Variants in TOM1L1 observed in about 807,000 individuals in gnomAD.
TOM1L1 encodes the protein target of myb1 like 1 membrane trafficking protein, also known as TOM1-like protein 1.
A neutral mutation model predicts 63.4 loss-of-function variants in TOM1L1; 64 were observed. The ratio of observed to expected loss-of-function variants is 1.01; its 90% CI spans 0.83 to 1.24. TOM1L1 has a LOEUF of 1.24. Among genes scored for constraint, TOM1L1 ranks in the 50% most tolerant of loss-of-function variants. TOM1L1 has a pLI of 0.00. For synonymous variants in TOM1L1, 166 were observed against 194.4 expected, an observed-to-expected ratio of 0.85 and a Z score of 1.22; for missense variants, 536 against 567.0, an observed-to-expected ratio of 0.95 and a Z score of 0.55.
rs111849714 is a variant in TOM1L1 at position 54,938,937 on chromosome 17, A to G, written c.1047A>G (p.Pro349=). The change falls in exon 11 of 16, where the codon CCA becomes CCG. Residue 349 remains proline (P), a synonymous_variant. Coordinates refer to ENST00000575882, the MANE Select transcript of TOM1L1 (RefSeq NM_005486.3). ...NQLSGLNFSL[P]SSDVTNNLKP... is the part of the protein sequence containing the mutation. ...TTTGTGTTTTAGATTTCAGCCTTCC[A>G]AGTTCTGATGTAACAAACAACTTAA... 1.2e-6 allele frequency: 2 copies of G among 1,609,106 alleles called. No individual in the cohort carries two copies. The highest frequency in any genetic ancestry group is 2.2e-5 in the South Asian group (2 of 89,960).
rs1227889717 is a variant in TOM1L1, at chr17:54,943,412, T to C, written c.1131-3849T>C. Among the ~76,000 whole-genome samples the C allele has an allele frequency of 6.6e-5, 10 of 150,552 alleles. No homozygotes were observed. In the Admixed American group the frequency reaches 6.7e-4, roughly 10 times the overall value. ...ATTTTTAGTGCTCCATTTTAGTTTATTGTGATTTTGACTGTATCTTTGTAT... is the reference window on the plus strand; with the variant it reads ...ATTTTTAGTGCTCCATTTTAGTTTACTGTGATTTTGACTGTATCTTTGTAT... On this transcript the variant is annotated intron_variant, in intron 11 of 15. Transcript: ENST00000575882.
In TOM1L1 at chr17:54,947,292, T is replaced by G. The variant is rs2049136109; in HGVS notation, c.1162T>G (p.Ser388Ala). 6.2e-7 allele frequency: 1 copy of G among 1,614,154 alleles called. No homozygotes were observed. Among genetic ancestry groups the G allele is most frequent in the Non-Finnish European group, 8.5e-7 (1 of 1,180,010 alleles). The change falls in exon 12 of 16, where the codon TCA becomes GCA. Residue 388 changes from serine to alanine, a missense_variant. Coordinates refer to ENST00000575882, the MANE Select transcript of TOM1L1 (RefSeq NM_005486.3). ...FAQRTSQNLT[S>A]SHAYDNFLEH... ...CCAAAGGACCAGCCAAAACCTCACC[T>G]CAAGCCACGCATATGATAATGTAAG...
At chr17:54,955,317 G>GAGGT (rs1031812866) in intron 14 of TOM1L1, among the ~76,000 whole-genome samples, 1 of 152,178 alleles carries the variant, frequency 6.6e-6, no homozygotes, top group African/African-American at 2.4e-5. Flanking sequence ...AGGTGGTGGG[G>GAGGT]AGGTAGGTAA....
intron 12 of TOM1L1, among the ~76,000 whole-genome samples, chr17:54,948,223 C>T (rs2049151858): frequency 6.6e-6 from 1 of 152,190 alleles, no homozygotes; most frequent in African/African-American, 2.4e-5. Flanking sequence ...CTTTGCCTCC[C>T]TTCGCATCCC....
intron 1 of TOM1L1, among the ~76,000 whole-genome samples, chr17:54,902,708 G>T (rs573086887): frequency 6.6e-6 from 1 of 152,126 alleles, no homozygotes; most frequent in Non-Finnish European, 1.5e-5. Flanking sequence ...CCCAGAACCC[G>T]GTGTTTTCAT....
chr17:54,917,050 A>G (rs185704328), intron 7 of TOM1L1: 1 of 152,162 alleles, frequency 6.6e-6, no homozygotes, highest in Admixed American at 6.5e-5. Flanking sequence ...TTCTAGTTGC[A>G]TTTGTTATTT....
chr17:54,914,197 C>G (rs1439788742), intron 5 of TOM1L1, among the ~76,000 whole-genome samples: 6 of 152,050 alleles, frequency 3.9e-5, no homozygotes, highest in Admixed American at 2.0e-4. Flanking sequence ...ACCTCTCCAC[C>G]CAAGGTTGGA....
intron 3 of TOM1L1, among the ~76,000 whole-genome samples, chr17:54,910,486 G>C (rs1002506584): frequency 6.6e-6 from 1 of 152,132 alleles, no homozygotes; most frequent in Admixed American, 6.5e-5. Context: ...ATTGGTTTGC[G>C]AATTATTTAG....
At chr17:54,946,072 A>T (rs1050167917) in intron 11 of TOM1L1, among the ~76,000 whole-genome samples, 2 of 152,216 alleles carry the variant, frequency 1.3e-5, no homozygotes, top group East Asian at 3.8e-4. Flanking sequence ...GCCTTCTTCT[A>T]TGGGCGGTGG....
chr17:54,929,009 C>T (rs186440943), intron 7 of TOM1L1, among the ~76,000 whole-genome samples: 1 of 152,270 alleles, frequency 6.6e-6, no homozygotes, highest in African/African-American at 2.4e-5. Context: ...ATACATTTTT[C>T]AGCAGGTCTT....
At chr17:54,934,713 ATTT>A (rs60173487) in intron 8 of TOM1L1, among the ~76,000 whole-genome samples, 4,959 of 147,360 alleles carry the variant, frequency 0.034, 237 homozygotes, top group African/African-American at 0.11. Flanking sequence ...AACTAGATGG[ATTT>A]TTTTTTTTTT....
chr17:54,938,938 A>G lies in TOM1L1; in HGVS notation c.1048A>G (p.Ser350Gly). 1 of 1,609,430 alleles carries G rather than the reference A, an allele frequency of 6.2e-7. No individual in the cohort carries two copies. The highest frequency in any genetic ancestry group is 8.5e-7 in the Non-Finnish European group (1 of 1,177,740). Residue 350 changes from serine (S) to glycine (G), a missense_variant, in exon 11 of 16, where the codon AGT becomes GGT. Transcript: ENST00000575882. ...QLSGLNFSLP[S>G]SDVTNNLKPS... Reference sequence around the variant, plus strand: ...TTGTGTTTTAGATTTCAGCCTTCCAAGTTCTGATGTAACAAACAACTTAAA... The same window carrying G: ...TTGTGTTTTAGATTTCAGCCTTCCAGGTTCTGATGTAACAAACAACTTAAA...
chr17:54,929,756 T>TC (rs1555610157), intron 7 of TOM1L1, among the ~76,000 whole-genome samples: 23 of 151,704 alleles, frequency 1.5e-4, no homozygotes, highest in East Asian at 3.9e-4. Flanking sequence ...TTTTTTTTTT[T>TC]CCCCAACATG....
chr17:54,905,541 C>A lies in TOM1L1; in HGVS notation c.196C>A (p.His66Asn), dbSNP rs2048395361. ...LKKRISKNYN[H>N]KEIQLTLSLI... Reference sequence around the variant, plus strand: ...GAAAAGGATTTCCAAAAACTACAATCATAAAGAAATCCAACTTACCTTGTC... The same window carrying A: ...GAAAAGGATTTCCAAAAACTACAATAATAAAGAAATCCAACTTACCTTGTC... The change falls in exon 3 of 16, where the codon CAT (histidine) becomes AAT (asparagine). Residue 66 changes from histidine to asparagine, a missense_variant. Physicochemically the swap from His to Asn is moderately conservative, Grantham distance 68. Coordinates refer to ENST00000575882, the MANE Select transcript of TOM1L1 (RefSeq NM_005486.3). The A allele has an allele frequency of 6.2e-7, 1 of 1,609,884 alleles. No individual in the cohort carries two copies. The highest frequency in any genetic ancestry group is 1.7e-5 in the Admixed American group (1 of 59,710).
intron 3 of TOM1L1, chr17:54,906,815 G>C (rs1026569555): frequency 1.0e-6 from 1 of 985,350 alleles, no homozygotes; most frequent in Non-Finnish European, 1.2e-6. Context: ...TTTAGTATGT[G>C]TTGCAAGCCC....
chr17:54,903,623 T>A (rs2048362235), intron 1 of TOM1L1, 85 bp from the exon 2 acceptor site: 2 of 1,212,314 alleles, frequency 1.6e-6, no homozygotes, highest in Non-Finnish European at 2.4e-6. Context: ...TGACACTTGC[T>A]GGTGCAGCCT....
chr17:54,926,356 G>A (rs1332167465), intron 7 of TOM1L1, among the ~76,000 whole-genome samples: 1 of 152,192 alleles, frequency 6.6e-6, no homozygotes, highest in African/African-American at 2.4e-5. Context: ...TGCAACATGT[G>A]TTTTGTGTAT....
chr17:54,914,836 G>A, intron 6 of TOM1L1, 93 bp downstream of exon 6: 1 of 974,850 alleles, frequency 1.0e-6, no homozygotes, highest in Non-Finnish European at 1.6e-6. Context: ...ACAACATTGA[G>A]ATGTAGGTAC....
intron 8 of TOM1L1, among the ~76,000 whole-genome samples, chr17:54,931,961 T>TTG (rs1460696221): frequency 1.8e-4 from 8 of 44,642 alleles, no homozygotes; most frequent in South Asian, 7.6e-4. Flanking sequence ...TTTTTTTTTG[T>TTG]TTGTTTGTTT....
Sources: gnomAD v4.1 joint callset for allele counts (sites outside exome capture counted in the v4.1 genomes callset) on GRCh38, gnomAD v4.1.1 for gene constraint, MANE v1.5 for transcripts, NCBI Gene and HGNC (gene_info 2026-07-23, HGNC 2026-07-21) for gene names.